Variants in TMEM182 observed in about 807,000 individuals in gnomAD.
The protein encoded by TMEM182 is transmembrane protein 182.
Under a neutral mutation model 26.8 loss-of-function variants are expected in TMEM182, and 20 were observed. The observed-to-expected ratio is 0.75, with a 90% CI of 0.53 to 1.09. The LOEUF is 1.09. Among genes scored for constraint, TMEM182 ranks in the 50% least tolerant of loss-of-function variants. The probability of loss-of-function intolerance (pLI) is 0.00; values close to 1 mark genes in which losing one functional copy is unlikely to be tolerated. For missense variants in TMEM182, 277 were observed against 275.5 expected (o/e 1.01, Z -0.04); for synonymous variants, 109 against 102.2 (o/e 1.07, Z -0.40).
rs370936139 is a variant in TMEM182, at chr2:102,776,974, TCA to T, written c.331+12548_331+12549del. ...TTTGTGAGGCTTCTGTTAAATTCTC[TCA>T]GTTTCTAATTGGATTGTTTGGTTTT... On this transcript the variant is annotated intron_variant, in intron 3 of 4. Coordinates refer to ENST00000412401, the MANE Select transcript of TMEM182 (RefSeq NM_144632.5). Among the ~76,000 whole-genome samples, 498 of 152,280 alleles carry T rather than the reference TCA, an allele frequency of 3.3e-3. 8 individuals carry two copies. The highest frequency in any genetic ancestry group is 0.012 in the African/African-American group (481 of 41,576).
chr2:102,822,571 G>C (rs1405128518), downstream of TMEM182, among the ~76,000 whole-genome samples: 1 of 152,134 alleles, frequency 6.6e-6, no homozygotes, highest in Non-Finnish European at 1.5e-5. Flanking sequence ...GAGTTAACAG[G>C]AGGTAAGAGA....
chr2:102,752,638 C>G (rs1391814523), intron 1 of TMEM182, among the ~76,000 whole-genome samples: 1 of 152,206 alleles, frequency 6.6e-6, no homozygotes, highest in African/African-American at 2.4e-5. Context: ...ATTTCACTCT[C>G]TTTCTCACTG....
chr2:102,801,740 G>A (rs916162637), intron 4 of TMEM182, among the ~76,000 whole-genome samples: 6 of 152,116 alleles, frequency 3.9e-5, no homozygotes, highest in Non-Finnish European at 7.4e-5. Context: ...CTTTGCTGAG[G>A]GAGTTCTCCA....
intron 4 of TMEM182, among the ~76,000 whole-genome samples, chr2:102,802,628 G>A (rs762987236): frequency 1.4e-4 from 22 of 152,304 alleles, no homozygotes; most frequent in South Asian, 6.2e-4. Context: ...TAGGAAAGAC[G>A]CAGGAAGTGT....
rs972164203 is a variant in TMEM182, at chr2:102,816,223, G to A, written c.*1255G>A. 6 of 985,224 alleles carry A rather than the reference G, an allele frequency of 6.1e-6. No homozygotes were observed. In the African/African-American group the frequency reaches 8.7e-5, roughly 14 times the overall value. The allele number at this position is 985,224 out of a possible 1,614,324, so 61.0% of individuals were successfully genotyped here. A position where few individuals can be genotyped will look rare whatever the true frequency, so the allele number is the denominator to read the frequency against. On this transcript the variant is annotated 3_prime_UTR_variant, in exon 5 of 5. Transcript: ENST00000412401. ...CATTCTGGAAGCCTCCATCGCAGGG[G>A]AGCTCGGCAGGGTATGTGAGCTTTG... is the stretch of plus-strand genomic sequence containing the variant.
At chr2:102,745,458 C>T (rs902998817) in intron 1 of TMEM182, among the ~76,000 whole-genome samples, 2 of 152,082 alleles carry the variant, frequency 1.3e-5, no homozygotes, top group African/African-American at 4.8e-5. Context: ...AGACCCTTCT[C>T]TCCCTCTCTT....
At chr2:102,754,857 T>C (rs2732835) in intron 1 of TMEM182, among the ~76,000 whole-genome samples, 1 of 152,002 alleles carries the variant, frequency 6.6e-6, no homozygotes, top group Non-Finnish European at 1.5e-5. Flanking sequence ...ATATAAACAA[T>C]TTAATAAAAA....
At chr2:102,808,285 A>T (rs1476103412) in intron 4 of TMEM182, among the ~76,000 whole-genome samples, 1 of 152,226 alleles carries the variant, frequency 6.6e-6, no homozygotes, top group Non-Finnish European at 1.5e-5. Context: ...TGAATGAGCC[A>T]TTCAGCTTTC....
rs532925325 is a variant in TMEM182, at chr2:102,817,251, G to T, written c.*2283G>T. Reference sequence around the variant, plus strand: ...CCATGTTATGTTTATTTCTCTATTGGTTGTATTTATTAATTTTTAGAAGCC... The same window carrying T: ...CCATGTTATGTTTATTTCTCTATTGTTTGTATTTATTAATTTTTAGAAGCC... On this transcript the variant is annotated 3_prime_UTR_variant, in exon 5 of 5. Transcript: ENST00000412401. 6.5e-5 allele frequency: 64 copies of T among 985,198 alleles called. No homozygotes were observed. The African/African-American group carries it at 1.1e-3, about 16-fold the overall frequency. 61.0% of individuals were successfully genotyped at this position (985,198 alleles called of 1,614,324 possible).
intron 3 of TMEM182, among the ~76,000 whole-genome samples, chr2:102,786,900 C>T (rs2104706888): frequency 6.6e-6 from 1 of 152,298 alleles, no homozygotes; most frequent in African/African-American, 2.4e-5. Context: ...AATGGAAGTA[C>T]AGTGCTCAGT....
chr2:102,837,641 G>A (rs1366514398), intron 3 of TMEM182, among the ~76,000 whole-genome samples: 1 of 152,192 alleles, frequency 6.6e-6, no homozygotes, highest in African/African-American at 2.4e-5. Context: ...GTGGATACCA[G>A]AGCAGAAGAG....
intron 1 of TMEM182, among the ~76,000 whole-genome samples, chr2:102,747,313 G>A (rs1193671518): frequency 6.6e-6 from 1 of 152,146 alleles, no homozygotes; most frequent in African/African-American, 2.4e-5. Context: ...CCTGGACATT[G>A]TCTTTGCCAG....
At chr2:102,777,235 C>G (rs1206007207) in intron 3 of TMEM182, among the ~76,000 whole-genome samples, 1 of 151,872 alleles carries the variant, frequency 6.6e-6, no homozygotes, top group African/African-American at 2.4e-5. Flanking sequence ...CCCAAGATTC[C>G]CTAGAGTTTC....
At chr2:102,742,209 A>G (rs1265580414) in intron 1 of TMEM182, among the ~76,000 whole-genome samples, 1 of 152,202 alleles carries the variant, frequency 6.6e-6, no homozygotes, top group Non-Finnish European at 1.5e-5. Flanking sequence ...AAAGAAAATT[A>G]TAGAAATCAA....
chr2:102,807,291 G>A (rs1254364784), intron 4 of TMEM182, among the ~76,000 whole-genome samples: 6 of 152,168 alleles, frequency 3.9e-5, no homozygotes, highest in Non-Finnish European at 8.8e-5. Flanking sequence ...AATCAGAAAA[G>A]TGTAATCATG....
intron 1 of TMEM182, among the ~76,000 whole-genome samples, chr2:102,756,667 C>A (rs2104647163): frequency 6.6e-6 from 1 of 152,208 alleles, no homozygotes; most frequent in East Asian, 1.9e-4. Context: ...TGAGTTCCTG[C>A]CACTGCACTC....
intron 1 of TMEM182, among the ~76,000 whole-genome samples, chr2:102,753,682 TTTGATAGATA>T (rs1244825668): frequency 1.3e-5 from 2 of 152,154 alleles, no homozygotes; most frequent in Non-Finnish European, 2.9e-5. Flanking sequence ...GTTCTTCATT[TTTGATAGATA>T]AAAATTCCCA....
intron 3 of TMEM182, among the ~76,000 whole-genome samples, chr2:102,827,934 T>C (rs1420476762): frequency 1.3e-5 from 2 of 151,980 alleles, no homozygotes; most frequent in East Asian, 3.9e-4. Context: ...CTACTAAAAA[T>C]ACAAGAATTT....
chr2:102,787,968 A>G (rs1462885660), intron 3 of TMEM182, among the ~76,000 whole-genome samples: 1 of 152,158 alleles, frequency 6.6e-6, no homozygotes, highest in Non-Finnish European at 1.5e-5. Flanking sequence ...AAAACTAGCC[A>G]CTCAGAGGGA....
Sources: gnomAD v4.1 joint callset for allele counts (sites outside exome capture counted in the v4.1 genomes callset) on GRCh38, gnomAD v4.1.1 for gene constraint, MANE v1.5 for transcripts, NCBI Gene and HGNC (gene_info 2026-07-23, HGNC 2026-07-21) for gene names.